The following EBF3 variants were observed in gnomAD, a reference collection of about 807,000 sequenced individuals.
EBF3 encodes the protein EBF transcription factor 3, also known as transcription factor COE3.
Under a neutral mutation model 77.1 loss-of-function variants are expected in EBF3, and 18 were observed. The ratio of observed to expected loss-of-function variants is 0.23; its 90% CI spans 0.16 to 0.35. The LOEUF (loss-of-function observed/expected upper bound fraction) is 0.35. Ranked by LOEUF, EBF3 falls within the 10% of genes least tolerant of loss-of-function variation. The probability of loss-of-function intolerance (pLI) is 1.00; values close to 1 mark genes in which losing one functional copy is unlikely to be tolerated. For missense variants in EBF3, 558 were observed against 860.0 expected (o/e 0.65, Z 4.39); for synonymous variants, 350 against 343.5 (o/e 1.02, Z -0.21).
At position 129,873,431 on chromosome 10, in the gene EBF3, AG is replaced by A. The variant is rs2134107590; in HGVS notation, c.781+20del. The A allele has an allele frequency of 6.7e-7, 1 of 1,491,882 alleles. No homozygotes were observed. The highest frequency in any genetic ancestry group is 2.4e-5 in the Admixed American group (1 of 42,188). The allele number at this position is 1,491,882 out of a possible 1,614,324, so 92.4% of individuals were successfully genotyped here. Reference sequence around the variant, plus strand: ...AAAAAGAAGCATCGCAAATAAAAAAAGACATGTAACATGTGCCTACCATTTT... The same window carrying A: ...AAAAAGAAGCATCGCAAATAAAAAAAACATGTAACATGTGCCTACCATTTT... On this transcript the variant is annotated intron_variant, in intron 8 of 16. Transcript: ENST00000440978.
chr10:129,860,932 A>G (rs1251184484), intron 10 of EBF3, among the ~76,000 whole-genome samples: 1 of 152,220 alleles, frequency 6.6e-6, no homozygotes, highest in Non-Finnish European at 1.5e-5. Flanking sequence ...CATTTTAAGC[A>G]ATTCTAGTAA....
intron 6 of EBF3, among the ~76,000 whole-genome samples, chr10:129,920,685 A>G (rs1198727285): frequency 5.3e-5 from 8 of 152,278 alleles, no homozygotes; most frequent in Admixed American, 5.2e-4. Flanking sequence ...CGCTTTTGAA[A>G]GCACCCAGCC....
At chr10:129,923,140 A>G (rs1289400205) in intron 6 of EBF3, among the ~76,000 whole-genome samples, 2 of 152,238 alleles carry the variant, frequency 1.3e-5, no homozygotes, top group Non-Finnish European at 2.9e-5. Flanking sequence ...TACTGTTGTT[A>G]TTATTTTGAA....
At chr10:129,921,768 C>T (rs1299662924) in intron 6 of EBF3, among the ~76,000 whole-genome samples, 3 of 152,204 alleles carry the variant, frequency 2.0e-5, no homozygotes, top group Admixed American at 1.3e-4. Flanking sequence ...CATTAAAGAA[C>T]TGGGATGTGG....
chr10:129,903,620 C>G (rs150399842), intron 6 of EBF3, among the ~76,000 whole-genome samples: 342 of 152,252 alleles, frequency 2.2e-3, no homozygotes, highest in African/African-American at 7.6e-3. Context: ...TGAGACATTT[C>G]CTAATGGTCC....
chr10:129,849,575 T>C (rs190964855), intron 10 of EBF3, among the ~76,000 whole-genome samples: 25 of 152,280 alleles, frequency 1.6e-4, no homozygotes, highest in East Asian at 9.7e-4. Context: ...TCCAAAATAA[T>C]TGGTCACCGT....
intron 6 of EBF3, among the ~76,000 whole-genome samples, chr10:129,903,706 A>G (rs1238810421): frequency 6.6e-6 from 1 of 152,170 alleles, no homozygotes; most frequent in East Asian, 1.9e-4. Flanking sequence ...TTTTGATGAG[A>G]GTAAAATCCT....
intron 10 of EBF3, among the ~76,000 whole-genome samples, chr10:129,854,867 C>T (rs186343972): frequency 3.9e-5 from 6 of 152,374 alleles, no homozygotes; most frequent in East Asian, 1.9e-4. Context: ...TTGCAGCCTC[C>T]GCGTCGTTCA....
intron 5 of EBF3, 48 bp downstream of exon 5, chr10:129,958,886 T>TGGCGCCGAGGCAGCC: frequency 6.4e-7 from 1 of 1,567,480 alleles, no homozygotes; most frequent in Non-Finnish European, 8.6e-7. Flanking sequence ...TAGACGCAGC[T>TGGCGCCGAGGCAGCC]GGCGCCGAGG....
Position 129,963,322 on chromosome 10 carries a change from C to T in EBF3, c.291+45G>A. On this transcript the variant is annotated intron_variant, in intron 2 of 16. Coordinates refer to ENST00000440978, the MANE Select transcript of EBF3 (RefSeq NM_001375380.1). The surrounding 1 kb of genome is among the most constrained non-coding windows in gnomAD (Gnocchi z 7.1). ...CCCGCGCACCGGCACCGCCTGCCTCCCGCTTCTAGAAAGAGAGAGGGTGTG... is the reference window on the plus strand; with the variant it reads ...CCCGCGCACCGGCACCGCCTGCCTCTCGCTTCTAGAAAGAGAGAGGGTGTG... 1 of 1,552,520 alleles carries T rather than the reference C, an allele frequency of 6.4e-7. No homozygotes were observed. Among genetic ancestry groups the T allele is most frequent in the Non-Finnish European group, 8.7e-7 (1 of 1,151,896 alleles).
At chr10:129,856,808 C>A (rs1851284224) in intron 10 of EBF3, among the ~76,000 whole-genome samples, 1 of 152,224 alleles carries the variant, frequency 6.6e-6, no homozygotes, top group South Asian at 2.1e-4. Flanking sequence ...TAATTGTATA[C>A]TTTGGGTGAA....
intron 6 of EBF3, among the ~76,000 whole-genome samples, chr10:129,908,718 A>G (rs1416183127): frequency 1.3e-5 from 2 of 152,232 alleles, no homozygotes; most frequent in African/African-American, 4.8e-5. Flanking sequence ...AGGAGACATC[A>G]TGGACACAGG....
chr10:129,877,174 C>G (rs1052909232), intron 7 of EBF3, among the ~76,000 whole-genome samples: 3 of 152,024 alleles, frequency 2.0e-5, no homozygotes, highest in African/African-American at 7.2e-5. Context: ...CACTGAAAAT[C>G]AATCCCTCAA....
In EBF3 at chr10:129,848,510, G is replaced by A. The variant is rs372342138; in HGVS notation, c.1040-30C>T. 4.1e-5 allele frequency: 66 copies of A among 1,607,968 alleles called. No individual in the cohort carries two copies. Among genetic ancestry groups the A allele is most frequent in the Non-Finnish European group, 5.4e-5 (63 of 1,174,490 alleles). On this transcript the variant is annotated intron_variant, in intron 10 of 16. Coordinates refer to ENST00000440978, the MANE Select transcript of EBF3 (RefSeq NM_001375380.1). This position sits in a 1 kb window ranked among gnomAD's most constrained non-coding sequence, Gnocchi z 4.4. ...AACAGGACACAGAAATGTAGATCAGGTTAATTACTTTTATGTCATCCATTA... is the reference window on the plus strand; with the variant it reads ...AACAGGACACAGAAATGTAGATCAGATTAATTACTTTTATGTCATCCATTA...
At chr10:129,838,001 C>A (rs752169594) in intron 16 of EBF3, 41 bp from the exon 17 acceptor site, 9 of 1,613,522 alleles carry the variant, frequency 5.6e-6, no homozygotes, top group East Asian at 4.5e-5. Flanking sequence ...CAGGCTCCCC[C>A]ACGCGCCCTC....
At chr10:129,919,132 G>A (rs113895907) in intron 6 of EBF3, among the ~76,000 whole-genome samples, 11 of 152,298 alleles carry the variant, frequency 7.2e-5, no homozygotes, top group Non-Finnish European at 1.2e-4. Context: ...CAAACACAAC[G>A]CAGACCAAGC....
intron 6 of EBF3, among the ~76,000 whole-genome samples, chr10:129,931,141 C>T (rs931990168): frequency 4.6e-5 from 7 of 152,308 alleles, no homozygotes; most frequent in East Asian, 1.9e-4. Flanking sequence ...CTGTCTATAT[C>T]TATCTCTATA....
At chr10:129,905,843 A>G (rs1297861176) in intron 6 of EBF3, among the ~76,000 whole-genome samples, 3 of 152,188 alleles carry the variant, frequency 2.0e-5, no homozygotes, top group Admixed American at 2.0e-4. Context: ...CCCCGAGGTG[A>G]CATTTGTTTC....
At chr10:129,865,227 G>A (rs140473270) in intron 10 of EBF3, among the ~76,000 whole-genome samples, 2,373 of 152,272 alleles carry the variant, frequency 0.016, 59 homozygotes, top group African/African-American at 0.052. Context: ...CTGACATCTC[G>A]CCTTTCCCAG....
Sources: gnomAD v4.1 joint callset for allele counts (sites outside exome capture counted in the v4.1 genomes callset) on GRCh38, gnomAD v4.1.1 for gene constraint, Gnocchi (gnomAD v3.1) non-coding constraint, MANE v1.5 for transcripts, NCBI Gene and HGNC (gene_info 2026-07-23, HGNC 2026-07-21) for gene names.